The following GAPVD1 variants were observed in gnomAD, a reference collection of about 807,000 sequenced individuals.
GAPVD1 encodes the protein GTPase activating protein and VPS9 domains 1, also known as GTPase-activating protein and VPS9 domain-containing protein 1.
GAPVD1 carries 35 observed loss-of-function variants against 155.5 expected under a neutral mutation model. That is an observed-to-expected ratio of 0.23 (90% CI 0.17 to 0.30). GAPVD1 has a LOEUF of 0.30. Among genes scored for constraint, GAPVD1 ranks in the 10% least tolerant of loss-of-function variants. The pLI is 1.00. For missense variants in GAPVD1, 1,429 were observed against 1,775.7 expected, an observed-to-expected ratio of 0.80 and a Z score of 3.51; for synonymous variants, 636 against 619.7, an observed-to-expected ratio of 1.03 and a Z score of -0.39.
chr9:125,362,188 AG>A (rs1851029863), intron 27 of GAPVD1, among the ~76,000 whole-genome samples: 1 of 152,238 alleles, frequency 6.6e-6, no homozygotes, highest in Admixed American at 6.5e-5. Flanking sequence ...CTGGCAACAG[AG>A]GGCATGTCAT....
intron 2 of GAPVD1, among the ~76,000 whole-genome samples, chr9:125,289,234 A>T (rs912722378): frequency 6.6e-6 from 1 of 152,152 alleles, no homozygotes; most frequent in East Asian, 1.9e-4. Flanking sequence ...GGAGCAGATA[A>T]TGGAGAGCTG....
At chr9:125,291,770 G>A (rs1838648783) in intron 2 of GAPVD1, among the ~76,000 whole-genome samples, 1 of 152,150 alleles carries the variant, frequency 6.6e-6, no homozygotes, top group Non-Finnish European at 1.5e-5. Flanking sequence ...TATAGAGGAA[G>A]CCATGTTCCC....
intron 2 of GAPVD1, among the ~76,000 whole-genome samples, chr9:125,281,823 CTT>C (rs1026074271): frequency 1.4e-5 from 2 of 144,192 alleles, no homozygotes; most frequent in Non-Finnish European, 3.1e-5. Context: ...AGATAATTGG[CTT>C]TTTTTTTTTG....
chr9:125,317,031 C>G (rs1843521706), intron 9 of GAPVD1, among the ~76,000 whole-genome samples: 2 of 152,136 alleles, frequency 1.3e-5, no homozygotes, highest in Admixed American at 1.3e-4. Flanking sequence ...AGAAAATGTC[C>G]TTGATGGGCC....
chr9:125,292,678 CCACG>C (rs1412796235), intron 2 of GAPVD1, among the ~76,000 whole-genome samples: 1 of 152,136 alleles, frequency 6.6e-6, no homozygotes, highest in African/African-American at 2.4e-5. Flanking sequence ...GCGTGAACCA[CCACG>C]CCCGGCTGGT....
intron 12 of GAPVD1, among the ~76,000 whole-genome samples, chr9:125,328,021 A>T (rs1450357899): frequency 6.6e-6 from 1 of 152,056 alleles, no homozygotes; most frequent in East Asian, 1.9e-4. Context: ...GGTAACTTTT[A>T]TTAGTAACTT....
At chr9:125,278,957 A>G (rs571764875) in intron 2 of GAPVD1, among the ~76,000 whole-genome samples, 1 of 152,262 alleles carries the variant, frequency 6.6e-6, no homozygotes, top group South Asian at 2.1e-4. Context: ...CATGCCTGTA[A>G]TCCTAGCACT....
chr9:125,350,731 T>G lies in GAPVD1; in HGVS notation c.3428T>G (p.Phe1143Cys), dbSNP rs1258878640. The change falls in exon 23 of 28, where the codon TTC becomes TGC. Residue 1143 changes from phenylalanine to cysteine, a missense_variant. Phe to Cys is a radical substitution (Grantham distance 205). This residue lies in a region of GAPVD1 where 699 missense variants were observed against 826.0 expected (regional missense o/e 0.85). Coordinates refer to ENST00000297933, the MANE Select transcript of GAPVD1 (RefSeq NM_001282680.3). The stretch of plus-strand genomic sequence containing the variant: ...TATTTAGACAATGAAATTGTATGCT[T>G]CTTAAAAGTTCAAATAGCTGAAGCA... ...TDPEDNEIVC[F>C]LKVQIAEAIN... The G allele has an allele frequency of 2.0e-6, 3 of 1,537,042 alleles. No individual in the cohort carries two copies. Among genetic ancestry groups the G allele is most frequent in the Admixed American group, 1.7e-5 (1 of 59,392 alleles).
Position 125,312,555 on chromosome 9 carries a change from G to A in GAPVD1, c.1545G>A (p.Leu515=). The part of the protein sequence containing the change: ...TIQEVQPEEV[L]VISLGTGPQL... The stretch of plus-strand genomic sequence containing the variant: ...AGGAGGTGCAACCAGAAGAGGTGTT[G>A]GTCATTTCCTTAGGTACAGGTCCCC... The change falls in exon 9 of 28, where the codon TTG becomes TTA. Residue 515 remains leucine, a synonymous_variant. Transcript: ENST00000297933. The A allele has an allele frequency of 1.2e-6, 2 of 1,609,930 alleles. No homozygotes were observed. Among genetic ancestry groups the A allele is most frequent in the Non-Finnish European group, 1.7e-6 (2 of 1,178,596 alleles).
intron 1 of GAPVD1, among the ~76,000 whole-genome samples, chr9:125,264,763 G>A (rs1833558284): frequency 6.6e-6 from 1 of 151,270 alleles, no homozygotes; most frequent in African/African-American, 2.4e-5. Context: ...CTGTCGCCCA[G>A]GCTGGAGTGC....
intron 2 of GAPVD1, among the ~76,000 whole-genome samples, chr9:125,288,921 G>C (rs548357073): frequency 1.3e-5 from 2 of 152,114 alleles, no homozygotes. Context: ...ATCTTACATA[G>C]GGTGGCCAAA....
intron 4 of GAPVD1, among the ~76,000 whole-genome samples, chr9:125,301,157 G>A (rs2130860688): frequency 6.6e-6 from 1 of 151,784 alleles, no homozygotes; most frequent in South Asian, 2.1e-4. Context: ...GCTGTCTCAA[G>A]CTCCTGAGCT....
chr9:125,346,534 T>A (rs981116696), intron 19 of GAPVD1: 2 of 456,656 alleles, frequency 4.4e-6, no homozygotes, highest in Non-Finnish European at 8.1e-6. Context: ...TGCAAACACT[T>A]TAGAAATCCG....
intron 2 of GAPVD1, among the ~76,000 whole-genome samples, chr9:125,289,621 G>GT (rs1838267926): frequency 6.6e-6 from 1 of 152,066 alleles, no homozygotes; most frequent in African/African-American, 2.4e-5. Context: ...GGAAGCAGGT[G>GT]TTTTTTAGGG....
intron 22 of GAPVD1, 78 bp from the exon 23 acceptor site, chr9:125,350,635 C>T (rs1255249909): frequency 2.2e-5 from 19 of 853,686 alleles, no homozygotes; most frequent in East Asian, 1.3e-4. Context: ...GCAGAATTGA[C>T]GTCCCAAATG....
chr9:125,297,143 G>C (rs1840017452), intron 3 of GAPVD1, among the ~76,000 whole-genome samples: 1 of 152,152 alleles, frequency 6.6e-6, no homozygotes. Flanking sequence ...GTATCAGTTT[G>C]TTTAGCTGCT....
chr9:125,306,423 C>T (rs1047952779), intron 6 of GAPVD1, among the ~76,000 whole-genome samples: 6 of 152,202 alleles, frequency 3.9e-5, no homozygotes, highest in Non-Finnish European at 5.9e-5. Flanking sequence ...TTCCAACCAT[C>T]CCTTCCTTTC....
Position 125,321,544 on chromosome 9 carries a change from C to T in GAPVD1, c.1714C>T (p.Leu572=). 6.2e-7 allele frequency: 1 copy of T among 1,613,340 alleles called. No homozygotes were observed. The highest frequency in any genetic ancestry group is 2.2e-5 in the East Asian group (1 of 44,844). Reference sequence around the variant, plus strand: ...GCGCTTTTCCCTCTGCAGTGATAATCTGGAAGGAATATCTGAAGGTGAAGG... The same window carrying T: ...GCGCTTTTCCCTCTGCAGTGATAATTTGGAAGGAATATCTGAAGGTGAAGG... ...TLRFSLCSDN[L]EGISEGPSNR... is the part of the protein sequence containing the mutation. Residue 572 remains leucine, a synonymous_variant, in exon 10 of 28, where the codon CTG becomes TTG. Transcript: ENST00000297933.
intron 9 of GAPVD1, among the ~76,000 whole-genome samples, chr9:125,319,054 T>C (rs1228283538): frequency 6.6e-6 from 1 of 152,060 alleles, no homozygotes; most frequent in Non-Finnish European, 1.5e-5. Context: ...CACATGCCTG[T>C]AATCCCAGCT....
Sources: allele counts gnomAD v4.1 joint callset (sites outside exome capture counted in the v4.1 genomes callset), GRCh38; gene constraint gnomAD v4.1.1; regional missense constraint gnomAD v4.1.1; transcripts MANE v1.5; gene names NCBI Gene and HGNC (gene_info 2026-07-23, HGNC 2026-07-21).